Variants in ZFYVE9 observed in about 807,000 individuals in gnomAD.
The protein encoded by ZFYVE9 is zinc finger FYVE-type containing 9.
Under a neutral mutation model 126.7 loss-of-function variants are expected in ZFYVE9, and 43 were observed. The ratio of observed to expected loss-of-function variants is 0.34; its 90% CI spans 0.27 to 0.44. The LOEUF is 0.44. Among genes scored for constraint, ZFYVE9 ranks in the 20% least tolerant of loss-of-function variants. The probability of loss-of-function intolerance (pLI) is 1.00; values close to 1 mark genes in which losing one functional copy is unlikely to be tolerated. For synonymous variants in ZFYVE9, 521 were observed against 597.4 expected, an observed-to-expected ratio of 0.87 and a Z score of 1.87; for missense variants, 1,476 against 1,697.0, an observed-to-expected ratio of 0.87 and a Z score of 2.29.
At position 52,263,791 on chromosome 1, in the gene ZFYVE9, T is replaced by C. The variant is rs761056886; in HGVS notation, c.2197T>C (p.Cys733Arg). Residue 733 changes from cysteine (C) to arginine (R), a missense_variant, in exon 5 of 19, where the codon TGT (cysteine) becomes CGT (arginine). Physicochemically the swap from Cys to Arg is radical, Grantham distance 180 (BLOSUM62 -3). Around this residue, in one of 2 missense-constraint regions of ZFYVE9, gnomAD observed 669 missense variants for 902.4 expected, o/e 0.74. Transcript: ENST00000287727. ...ACGKVFCASC[C>R]SLKCKLLYMD... Reference sequence around the variant, plus strand: ...CCCACAGGTTTTCTGTGCTTCCTGCTGTAGCCTGAAATGTAAACTGTTATA... The same window carrying C: ...CCCACAGGTTTTCTGTGCTTCCTGCCGTAGCCTGAAATGTAAACTGTTATA... 8.7e-7 allele frequency: 1 copy of C among 1,149,778 alleles called. No homozygotes were observed. Among genetic ancestry groups the C allele is most frequent in the Admixed American group, 2.1e-5 (1 of 48,304 alleles). The allele number at this position is 1,149,778 out of a possible 1,614,324, so 71.2% of individuals were successfully genotyped here.
intron 1 of ZFYVE9, among the ~76,000 whole-genome samples, chr1:52,195,615 G>A (rs1644852256): frequency 6.6e-6 from 1 of 152,026 alleles, no homozygotes; most frequent in East Asian, 1.9e-4. Context: ...AGAGTGTCTG[G>A]TACATAGTAA....
chr1:52,253,859 A>T, intron 4 of ZFYVE9: 1 of 1,294,954 alleles, frequency 7.7e-7, no homozygotes, highest in Non-Finnish European at 1.1e-6. Flanking sequence ...TTATATATTT[A>T]TGCAGACTAC....
intron 10 of ZFYVE9, 35 bp downstream of exon 10, chr1:52,281,851 G>A (rs749199401): frequency 6.2e-7 from 1 of 1,608,030 alleles, no homozygotes; most frequent in East Asian, 2.2e-5. Context: ...TGCTCCCTTT[G>A]TAGATGACAA....
intron 13 of ZFYVE9, among the ~76,000 whole-genome samples, chr1:52,304,562 C>T (rs1368640675): frequency 1.3e-5 from 2 of 152,178 alleles, no homozygotes; most frequent in South Asian, 2.1e-4. Flanking sequence ...TGTGCCCAGC[C>T]GGGTTTCTTT....
intron 1 of ZFYVE9, among the ~76,000 whole-genome samples, chr1:52,213,269 G>A (rs1423080968): frequency 6.6e-6 from 1 of 151,990 alleles, no homozygotes; most frequent in Non-Finnish European, 1.5e-5. Flanking sequence ...TAGGGCATTA[G>A]CAACTTTAAG....
rs759969701 is a variant in ZFYVE9, at chr1:52,246,698, ATTTTTTT to A, written c.2178+7119_2178+7125del. 2.0e-3 allele frequency among the ~76,000 whole-genome samples: 203 copies of A among 99,284 alleles called. 2 individuals are homozygous for A. The highest frequency in any genetic ancestry group is 7.1e-3 in the African/African-American group (179 of 25,112). 65.1% of individuals were successfully genotyped at this position (99,284 alleles called of 152,430 possible). A position where few individuals can be genotyped will look rare whatever the true frequency, so the allele number is the denominator to read the frequency against. On this transcript the variant is annotated intron_variant, in intron 4 of 18. Coordinates refer to ENST00000287727, the MANE Select transcript of ZFYVE9 (RefSeq NM_004799.4). ...GAGCATGTGCCACCACGTGTAACTA[ATTTTTTT>A]TTTTTTTTTTTTTTTGAGATGGAGT...
rs902245090 is a variant in ZFYVE9, at chr1:52,337,811, C to A, written c.3710C>A (p.Ser1237Tyr). Residue 1237 changes from serine to tyrosine, a missense_variant, in exon 16 of 19, where the codon TCC (serine) becomes TAC (tyrosine). By Grantham distance (144) the Ser-to-Tyr change is moderately radical. Around this residue, in one of 2 missense-constraint regions of ZFYVE9, gnomAD observed 669 missense variants for 902.4 expected, o/e 0.74. Transcript: ENST00000287727. ...MVQITAENMD[S>Y]LRQALREMKD... ...CAGATTACTGCAGAGAACATGGATT[C>A]CTTGAGGCAGGCACTGCGAGAGATG... 5 of 1,614,106 alleles carry A rather than the reference C, an allele frequency of 3.1e-6. No homozygotes were observed. Among genetic ancestry groups the A allele is most frequent in the African/African-American group, 1.3e-5 (1 of 74,934 alleles).
chr1:52,263,971 C>T (rs1372018166), intron 5 of ZFYVE9, 99 bp downstream of exon 5: 3 of 614,920 alleles, frequency 4.9e-6, no homozygotes, highest in Non-Finnish European at 8.0e-6. Context: ...ACAAGTTGCT[C>T]ACCTTCTCAA....
intron 4 of ZFYVE9, among the ~76,000 whole-genome samples, chr1:52,247,515 G>C (rs779821684): frequency 6.7e-6 from 1 of 149,052 alleles, no homozygotes; most frequent in African/African-American, 2.5e-5. Context: ...GTTTTTTTTT[G>C]AGACGGAGTC....
chr1:52,215,969 A>C (rs1215758496), intron 1 of ZFYVE9, among the ~76,000 whole-genome samples: 1 of 152,226 alleles, frequency 6.6e-6, no homozygotes, highest in Non-Finnish European at 1.5e-5. Flanking sequence ...TGTATAGAAA[A>C]AAAATCACAC....
intron 13 of ZFYVE9, among the ~76,000 whole-genome samples, chr1:52,331,257 G>C (rs1000806591): frequency 1.1e-4 from 16 of 152,064 alleles, no homozygotes; most frequent in Admixed American, 2.6e-4. Flanking sequence ...TAAAGGATTA[G>C]ATCAGAAAGT....
At chr1:52,187,777 G>C (rs1644778236) in intron 1 of ZFYVE9, among the ~76,000 whole-genome samples, 1 of 152,222 alleles carries the variant, frequency 6.6e-6, no homozygotes, top group East Asian at 1.9e-4. Context: ...AGTCAGAGTG[G>C]CTATTGTTAA....
intron 1 of ZFYVE9, chr1:52,180,655 A>G: frequency 2.3e-6 from 1 of 441,550 alleles, no homozygotes. Flanking sequence ...TGTACAAATT[A>G]TGTTTCAAAT....
intron 1 of ZFYVE9, chr1:52,162,970 G>C: frequency 2.3e-6 from 1 of 441,130 alleles, no homozygotes; most frequent in Admixed American, 2.8e-5. Flanking sequence ...TGGAGATTTT[G>C]ACTGAGAGTG....
intron 15 of ZFYVE9, among the ~76,000 whole-genome samples, chr1:52,336,947 T>TAAAAAAAAA (rs71041896): frequency 1.6e-4 from 17 of 107,846 alleles, no homozygotes; most frequent in African/African-American, 4.7e-4. Flanking sequence ...AGTCATCTCT[T>TAAAAAAAAA]AAAAAAAAAA....
intron 13 of ZFYVE9, among the ~76,000 whole-genome samples, chr1:52,322,201 A>G (rs1034714326): frequency 1.3e-5 from 2 of 152,118 alleles, no homozygotes; most frequent in African/African-American, 4.8e-5. Context: ...TTGATAGACA[A>G]ATCTATCAGG....
chr1:52,157,939 C>T (rs1644418925), intron 1 of ZFYVE9, among the ~76,000 whole-genome samples: 1 of 152,122 alleles, frequency 6.6e-6, no homozygotes, highest in Admixed American at 6.5e-5. Flanking sequence ...GATGCATGGT[C>T]TTCTCTCCTC....
chr1:52,181,549 C>G lies in ZFYVE9; in HGVS notation c.-142-34820C>G, dbSNP rs1040073740. ...GCGTCTCTGCCTGGCCGCCCATCGT[C>G]TGGGATGTGAGGAGCCCCTCTGCCT... On this transcript the variant is annotated intron_variant, in intron 1 of 18. Transcript: ENST00000287727. Among the ~76,000 whole-genome samples, 176 of 151,664 alleles carry G rather than the reference C, an allele frequency of 1.2e-3. 1 individual carries two copies. The highest frequency in any genetic ancestry group is 2.2e-4 in the Non-Finnish European group (15 of 67,892).
At chr1:52,188,224 G>A (rs1051961942) in intron 1 of ZFYVE9, among the ~76,000 whole-genome samples, 2 of 8,702 alleles carry the variant, frequency 2.3e-4, no homozygotes, top group Admixed American at 3.1e-3. Flanking sequence ...ACTAATGCAG[G>A]AACAGAAACC....
Sources: gnomAD v4.1 joint callset for allele counts (sites outside exome capture counted in the v4.1 genomes callset) on GRCh38, gnomAD v4.1.1 for gene constraint, gnomAD v4.1.1 regional missense constraint, MANE v1.5 for transcripts, NCBI Gene and HGNC (gene_info 2026-07-23, HGNC 2026-07-21) for gene names.